The following RPL6 variants were observed in gnomAD, a reference collection of about 807,000 sequenced individuals.
RPL6 encodes ribosomal protein L6.
RPL6 carries 1 observed loss-of-function variant against 32.1 expected under a neutral mutation model. The observed-to-expected ratio is 0.03, with a 90% CI of 0.01 to 0.15. The LOEUF (loss-of-function observed/expected upper bound fraction) is 0.15, where lower values mean the gene tolerates loss of function less well. Ranked by LOEUF, RPL6 falls within the 10% of genes least tolerant of loss-of-function variation. The pLI is 1.00. For synonymous variants in RPL6, 126 were observed against 131.6 expected (o/e 0.96, Z 0.29); for missense variants, 275 against 354.6 (o/e 0.78, Z 1.80).
chr12:112,406,680 G>A, intron 4 of RPL6, 67 bp downstream of exon 4: 3 of 1,589,894 alleles, frequency 1.9e-6, no homozygotes, highest in Non-Finnish European at 1.7e-6. Flanking sequence ...CACCTAGCGT[G>A]CAAACGCATT....
chr12:112,407,094 T>C (rs1240785692), intron 3 of RPL6: 3 of 518,486 alleles, frequency 5.8e-6, no homozygotes, highest in Non-Finnish European at 1.0e-5. Context: ...GGAGACACCA[T>C]TTAATGAATG....
intron 4 of RPL6, 79 bp downstream of exon 4, chr12:112,406,668 T>C (rs2037177706): frequency 1.9e-6 from 3 of 1,548,270 alleles, no homozygotes; most frequent in African/African-American, 1.4e-5. Flanking sequence ...AAAGGAAAAG[T>C]ACACCTAGCG....
At chr12:112,412,514 C>T (rs1395963074), upstream of RPL6, among the ~76,000 whole-genome samples, 2 of 149,560 alleles carry the variant, frequency 1.3e-5, no homozygotes, top group African/African-American at 2.5e-5. Context: ...CTCGCTCTGT[C>T]GCCCAGGCTG....
exon 1 of RPL6, chr12:112,418,753 A>C: frequency 2.6e-6 from 1 of 377,586 alleles, no homozygotes; most frequent in Non-Finnish European, 4.9e-6. Context: ...TCCAGGAGGA[A>C]GCAAGGATGC....
rs758888767 is a variant in RPL6 at position 112,408,525 on chromosome 12, G to A, written c.132C>T (p.Cys44=). The change falls in exon 2 of 7, where the codon TGC becomes TGT. Residue 44 remains cysteine, a synonymous_variant. Coordinates refer to ENST00000202773, the MANE Select transcript of RPL6 (RefSeq NM_000970.6). Reference sequence around the variant, plus strand: ...CTCTGACAAGGACAGGGTTGCGGCTGCAATGGGGCTTCCCCTTCTTGGGCT... The same window carrying A: ...CTCTGACAAGGACAGGGTTGCGGCTACAATGGGGCTTCCCCTTCTTGGGCT... ...AKKPKKGKPH[C]SRNPVLVRGI... is the part of the protein sequence containing the mutation. The A allele has an allele frequency of 2.9e-5, 46 of 1,612,258 alleles. No individual in the cohort carries two copies. In the South Asian group the frequency reaches 4.4e-4, roughly 15 times the overall value.
chr12:112,417,048 G>C (rs1255279675), intron 1 of RPL6, among the ~76,000 whole-genome samples: 2 of 152,136 alleles, frequency 1.3e-5, no homozygotes, highest in Non-Finnish European at 2.9e-5. Context: ...CCATTCACTA[G>C]ATCTGTAGCC....
At chr12:112,408,167 C>A in intron 3 of RPL6, 73 bp downstream of exon 3, 1 of 1,106,746 alleles carries the variant, frequency 9.0e-7, no homozygotes, top group Non-Finnish European at 1.3e-6. Flanking sequence ...CTTACAGTAT[C>A]TAAGTATTCA....
chr12:112,412,956 A>AAATG (rs1355917400), upstream of RPL6, among the ~76,000 whole-genome samples: 1 of 151,674 alleles, frequency 6.6e-6, no homozygotes, highest in Non-Finnish European at 1.5e-5. Context: ...ATAAATAAAT[A>AAATG]AATAGAAAAA....
chr12:112,417,953 G>A (rs1711695749), intron 1 of RPL6, among the ~76,000 whole-genome samples: 1 of 151,698 alleles, frequency 6.6e-6, no homozygotes, highest in African/African-American at 2.4e-5. Flanking sequence ...GTGTGCCACC[G>A]CTCCCACCCC....
intron 3 of RPL6, chr12:112,407,866 T>A (rs1469817962): frequency 1.0e-5 from 2 of 196,272 alleles, no homozygotes; most frequent in African/African-American, 4.8e-5. Flanking sequence ...CAGCTGGGAC[T>A]ACAGGCACGC....
At chr12:112,409,461 A>G (rs968155327) in intron 1 of RPL6, 126 bp downstream of exon 1, 35 of 398,572 alleles carry the variant, frequency 8.8e-5, no homozygotes, top group Non-Finnish European at 1.5e-4. Context: ...AGCGTCTGGA[A>G]GGCCTCTCAG....
chr12:112,406,998 T>C (rs1333339851), intron 3 of RPL6, 108 bp from the exon 4 acceptor site: 5 of 1,076,626 alleles, frequency 4.6e-6, no homozygotes, highest in Non-Finnish European at 6.7e-6. Flanking sequence ...TAAAGTATAA[T>C]ACTGTATTTA....
At chr12:112,406,642 CCAAA>C (rs1392886619) in intron 4 of RPL6, 101 bp downstream of exon 4, 1 of 1,436,736 alleles carries the variant, frequency 7.0e-7, no homozygotes, top group Non-Finnish European at 9.4e-7. Context: ...TCCCCTTGCC[CCAAA>C]CATAGGTAAA....
In RPL6 at chr12:112,408,438, G is replaced by A. The variant is rs1346231488; in HGVS notation, c.219C>T (p.Tyr73=). Residue 73 remains tyrosine, a synonymous_variant, in exon 2 of 7, where the codon TAC becomes TAT. Coordinates refer to ENST00000202773, the MANE Select transcript of RPL6 (RefSeq NM_000970.6). ...CCCTTACCTTGGATTTAGCGGCTGA[G>A]TACTTCCTCTTGTACATGGCCTTTC... The part of the protein sequence containing the change: ...YSRKAMYKRK[Y]SAAKSKVEKK... 1 of 1,614,172 alleles carries A rather than the reference G, an allele frequency of 6.2e-7. No homozygotes were observed. Among genetic ancestry groups the A allele is most frequent in the South Asian group, 1.1e-5 (1 of 91,082 alleles).
chr12:112,411,581 G>A (rs2037342083), upstream of RPL6: 1 of 152,146 alleles, frequency 6.6e-6, no homozygotes. Flanking sequence ...CACAATGAAT[G>A]AATGAGATGC....
upstream of RPL6, chr12:112,411,561 G>GA (rs2037341734): frequency 3.9e-5 from 6 of 152,192 alleles, no homozygotes; most frequent in Admixed American, 2.6e-4. Context: ...TTCAACTGCA[G>GA]AAAATGTACC....
upstream of RPL6, among the ~76,000 whole-genome samples, chr12:112,412,990 T>C (rs930544570): frequency 6.6e-5 from 10 of 152,046 alleles, no homozygotes; most frequent in Non-Finnish European, 1.2e-4. Flanking sequence ...GTTATGTATG[T>C]GTGTGAGCCT....
chr12:112,413,891 C>T (rs2037370292), upstream of RPL6, among the ~76,000 whole-genome samples: 1 of 151,208 alleles, frequency 6.6e-6, no homozygotes, highest in Non-Finnish European at 1.5e-5. Flanking sequence ...AAGACAATGA[C>T]TTTGTCTTAA....
At chr12:112,410,322 T>C, upstream of RPL6, 1 of 295,300 alleles carries the variant, frequency 3.4e-6, no homozygotes, top group South Asian at 3.8e-5. Flanking sequence ...TCCCTTACCT[T>C]GGATTTAGCG....
Sources: allele counts gnomAD v4.1 joint callset (sites outside exome capture counted in the v4.1 genomes callset), GRCh38; gene constraint gnomAD v4.1.1; transcripts MANE v1.5; gene names NCBI Gene and HGNC (gene_info 2026-07-23, HGNC 2026-07-21).